TCERG1L: variants seen among roughly 807,000 people sequenced by gnomAD.
TCERG1L encodes transcription elongation regulator 1-like protein.
A neutral mutation model predicts 56.3 loss-of-function variants in TCERG1L; 37 were observed. That is an observed-to-expected ratio of 0.66 (90% CI 0.51 to 0.87). TCERG1L has a LOEUF of 0.87. TCERG1L is among the 40% of genes least tolerant of loss of function. The probability of loss-of-function intolerance (pLI) is 0.00; values close to 1 mark genes in which losing one functional copy is unlikely to be tolerated. For missense variants in TCERG1L, 799 were observed against 774.2 expected (o/e 1.03, Z -0.38); for synonymous variants, 324 against 326.3 (o/e 0.99, Z 0.08).
At chr10:131,189,271 T>C (rs949504029) in intron 4 of TCERG1L, among the ~76,000 whole-genome samples, 4 of 152,216 alleles carry the variant, frequency 2.6e-5, no homozygotes, top group African/African-American at 9.6e-5. Context: ...TGTTAGTGTA[T>C]CCGTCACCCA....
chr10:131,287,751 C>T (rs1846561858), intron 3 of TCERG1L, among the ~76,000 whole-genome samples: 1 of 152,168 alleles, frequency 6.6e-6, no homozygotes, highest in Non-Finnish European at 1.5e-5. Context: ...CAGCCATTCA[C>T]ATCAATTATT....
chr10:131,129,788 A>T (rs1845599404), intron 8 of TCERG1L, among the ~76,000 whole-genome samples: 1 of 152,192 alleles, frequency 6.6e-6, no homozygotes, highest in Admixed American at 6.5e-5. Context: ...ATTCATCAAG[A>T]AAGGAGGTGT....
chr10:131,287,596 T>C (rs547220882), intron 3 of TCERG1L, among the ~76,000 whole-genome samples: 70 of 152,106 alleles, frequency 4.6e-4, no homozygotes, highest in South Asian at 3.7e-3. Context: ...ATAGAGAAAA[T>C]ATAAAGTGAT....
intron 3 of TCERG1L, among the ~76,000 whole-genome samples, chr10:131,266,555 G>C (rs1379175969): frequency 1.3e-5 from 2 of 152,210 alleles, no homozygotes; most frequent in African/African-American, 4.8e-5. Context: ...CAGAAAGAAT[G>C]AGGTACACAG....
chr10:131,309,854 A>AAAAAAC (rs1846863831), intron 1 of TCERG1L, among the ~76,000 whole-genome samples: 4 of 150,328 alleles, frequency 2.7e-5, no homozygotes, highest in Non-Finnish European at 3.0e-5. Context: ...AAAAAAAAAA[A>AAAAAAC]AAAAACTAAG....
At chr10:131,180,125 GGA>G (rs757686852) in intron 4 of TCERG1L, among the ~76,000 whole-genome samples, 72 of 152,330 alleles carry the variant, frequency 4.7e-4, no homozygotes, top group Non-Finnish European at 7.1e-4. Context: ...AGCTCAGAGG[GGA>G]GAGAGGCTAG....
chr10:131,273,499 G>C (rs1846361030), intron 3 of TCERG1L, among the ~76,000 whole-genome samples: 1 of 152,244 alleles, frequency 6.6e-6, no homozygotes, highest in Admixed American at 6.5e-5. Context: ...TGAGGAATGA[G>C]GCTTTGGGAA....
intron 8 of TCERG1L, among the ~76,000 whole-genome samples, chr10:131,132,853 C>A (rs1332975955): frequency 6.6e-6 from 1 of 152,194 alleles, no homozygotes; most frequent in Non-Finnish European, 1.5e-5. Flanking sequence ...GAGGCGTCCT[C>A]CCTCCACAGC....
intron 4 of TCERG1L, among the ~76,000 whole-genome samples, chr10:131,173,682 G>C (rs1241854914): frequency 6.6e-6 from 1 of 152,250 alleles, no homozygotes; most frequent in African/African-American, 2.4e-5. Context: ...GAGAAGCCCA[G>C]GGGCCTGAGG....
chr10:131,113,815 G>A (rs998977892), intron 9 of TCERG1L, among the ~76,000 whole-genome samples: 18 of 142,090 alleles, frequency 1.3e-4, no homozygotes, highest in African/African-American at 4.5e-4. Context: ...CCCTGGGTGA[G>A]CATCACCTGC....
At chr10:131,231,836 C>G (rs775339045) in intron 4 of TCERG1L, among the ~76,000 whole-genome samples, 4 of 152,170 alleles carry the variant, frequency 2.6e-5, no homozygotes, top group Non-Finnish European at 5.9e-5. Context: ...ACAAGGGGGG[C>G]TCTCCCTCTC....
rs534101797 is a variant in TCERG1L, at chr10:131,217,708, C to CTTTTTTTTTTTT, written c.856+42539_856+42550dup. The stretch of plus-strand genomic sequence containing the variant: ...AATCTGACCCTACACAGTAGCTGCC[C>CTTTTTTTTTTTT]TTTTTTTTTTTTTTTTTTTTTTTTT... On this transcript the variant is annotated intron_variant, in intron 4 of 11. Transcript: ENST00000368642. Among the ~76,000 whole-genome samples, 3 of 79,048 alleles carry CTTTTTTTTTTTT rather than the reference C, an allele frequency of 3.8e-5. 1 individual carries two copies. The highest frequency in any genetic ancestry group is 1.1e-4 in the African/African-American group (2 of 18,876). The allele number at this position is 79,048 out of a possible 152,430, so 51.9% of individuals were successfully genotyped here.
At chr10:131,290,507 T>C (rs1268031289) in intron 3 of TCERG1L, among the ~76,000 whole-genome samples, 1 of 152,012 alleles carries the variant, frequency 6.6e-6, no homozygotes, top group African/African-American at 2.4e-5. Flanking sequence ...GGCGGGTGCC[T>C]GTAATCCAAG....
chr10:131,299,774 G>C (rs1349411737), intron 3 of TCERG1L, among the ~76,000 whole-genome samples: 1 of 151,982 alleles, frequency 6.6e-6, no homozygotes, highest in African/African-American at 2.4e-5. Context: ...TAATACTATA[G>C]CACATAATGT....
intron 4 of TCERG1L, among the ~76,000 whole-genome samples, chr10:131,223,568 A>G (rs1162210649): frequency 2.0e-5 from 3 of 150,552 alleles, no homozygotes; most frequent in Non-Finnish European, 2.9e-5. Flanking sequence ...CAACAGCTAC[A>G]AAAATAAAAC....
chr10:131,177,235 CAT>C (rs1212948572), intron 4 of TCERG1L, among the ~76,000 whole-genome samples: 9 of 152,116 alleles, frequency 5.9e-5, no homozygotes, highest in Admixed American at 3.9e-4. Context: ...AAGACACACA[CAT>C]GTACACTACA....
At chr10:131,257,517 C>A (rs1251494391) in intron 4 of TCERG1L, among the ~76,000 whole-genome samples, 2 of 152,204 alleles carry the variant, frequency 1.3e-5, no homozygotes, top group Non-Finnish European at 2.9e-5. Context: ...CAGGGTAGTG[C>A]CACATTAACT....
At chr10:131,223,683 C>A (rs201509267) in intron 4 of TCERG1L, among the ~76,000 whole-genome samples, 4 of 135,248 alleles carry the variant, frequency 3.0e-5, no homozygotes, top group African/African-American at 1.1e-4. Flanking sequence ...CATGCTCACC[C>A]TCACGCATAC....
At chr10:131,132,363 A>G (rs987602661) in intron 8 of TCERG1L, among the ~76,000 whole-genome samples, 1 of 152,230 alleles carries the variant, frequency 6.6e-6, no homozygotes, top group Non-Finnish European at 1.5e-5. Context: ...ACATCCGTGC[A>G]TGTTTCAAAG....
Sources: allele counts gnomAD v4.1 joint callset (sites outside exome capture counted in the v4.1 genomes callset), GRCh38; gene constraint gnomAD v4.1.1; transcripts MANE v1.5; gene names NCBI Gene and HGNC (gene_info 2026-07-23, HGNC 2026-07-21).